TRIM26: variants seen among roughly 807,000 people sequenced by gnomAD.
TRIM26 encodes the protein tripartite motif containing 26.
TRIM26 carries 16 observed loss-of-function variants against 45.5 expected under a neutral mutation model. The observed-to-expected ratio is 0.35, with a 90% CI of 0.24 to 0.53. The LOEUF (loss-of-function observed/expected upper bound fraction) is 0.53, where lower values mean the gene tolerates loss of function less well. Ranked by LOEUF, TRIM26 falls within the 20% of genes least tolerant of loss-of-function variation. TRIM26 has a pLI of 0.92. For missense variants in TRIM26, 442 were observed against 691.1 expected, an observed-to-expected ratio of 0.64 and a Z score of 4.04; for synonymous variants, 273 against 290.4, an observed-to-expected ratio of 0.94 and a Z score of 0.61.
In TRIM26 at chr6:30,186,802, T is replaced by C; in HGVS notation, c.938-244A>G. ...ATATACTGAAATTTAACTTGACTGT[T>C]TTCGCTTACGCTCTGATTCCAAACA... On this transcript the variant is annotated intron_variant, in intron 9 of 9. Transcript: ENST00000454678. The surrounding 1 kb of genome is among the most constrained non-coding windows in gnomAD (Gnocchi z 7.4). 1 of 1,105,736 alleles carries C rather than the reference T, an allele frequency of 9.0e-7. No individual in the cohort carries two copies. The highest frequency in any genetic ancestry group is 1.4e-6 in the Non-Finnish European group (1 of 738,856). The allele number at this position is 1,105,736 out of a possible 1,614,324, so 68.5% of individuals were successfully genotyped here.
At chr6:30,205,084 A>G (rs1423364414) in intron 1 of TRIM26, among the ~76,000 whole-genome samples, 1 of 151,974 alleles carries the variant, frequency 6.6e-6, no homozygotes, top group Non-Finnish European at 1.5e-5. Context: ...TCTACTAACA[A>G]TACAAAATTA....
chr6:30,190,176 A>G lies in TRIM26; in HGVS notation c.766-141T>C. On this transcript the variant is annotated intron_variant, in intron 6 of 9. Transcript: ENST00000454678. The surrounding 1 kb of genome is among the most constrained non-coding windows in gnomAD (Gnocchi z 4.3). ...CCCTTTTTTATGGAGCTGACATTCC[A>G]GTGGGGTCACTGCATAAAACAACAA... 1.2e-6 allele frequency: 1 copy of G among 866,404 alleles called. No homozygotes were observed. Among genetic ancestry groups the G allele is most frequent in the Non-Finnish European group, 1.8e-6 (1 of 544,416 alleles). The allele number at this position is 866,404 out of a possible 1,614,324, so 53.7% of individuals were successfully genotyped here.
intron 2 of TRIM26, among the ~76,000 whole-genome samples, chr6:30,203,053 T>C (rs867976561): frequency 0.015 from 2,266 of 149,528 alleles, 80 homozygotes; most frequent in South Asian, 0.15. Flanking sequence ...TTTCTTTTTT[T>C]TTTTTTTTTT....
chr6:30,203,397 ACTT>A (rs1777395677), intron 2 of TRIM26, among the ~76,000 whole-genome samples: 1 of 151,628 alleles, frequency 6.6e-6, no homozygotes, highest in Non-Finnish European at 1.5e-5. Context: ...GAATGCCTAT[ACTT>A]CTTATTTATT....
chr6:30,200,425 T>C (rs28360013), intron 3 of TRIM26, among the ~76,000 whole-genome samples: 17,603 of 152,224 alleles, frequency 0.12, 1,538 homozygotes, highest in African/African-American at 0.24. Context: ...TGGGCTGTTC[T>C]ATAGTTTGGG....
intron 5 of TRIM26, among the ~76,000 whole-genome samples, chr6:30,197,331 T>C (rs1776594133): frequency 6.6e-6 from 1 of 152,160 alleles, no homozygotes; most frequent in African/African-American, 2.4e-5. Context: ...AGTGGCCCTG[T>C]TGACTGGTGC....
chr6:30,194,479 A>T (rs1271984980), intron 6 of TRIM26, among the ~76,000 whole-genome samples: 6 of 152,232 alleles, frequency 3.9e-5, no homozygotes, highest in Non-Finnish European at 5.9e-5. Context: ...GAATGTTCCA[A>T]CACAAAGAAA....
At chr6:30,202,685 T>C (rs1263124938) in intron 2 of TRIM26, among the ~76,000 whole-genome samples, 1 of 152,176 alleles carries the variant, frequency 6.6e-6, no homozygotes, top group Admixed American at 6.5e-5. Flanking sequence ...AGATCTAACT[T>C]CCAGTTTATA....
Position 30,185,859 on chromosome 6 carries a change from G to A in TRIM26, c.*17C>T. Reference sequence around the variant, plus strand: ...GTGAAGCATCTGAGGGTTGGGGCTGGGGGCAGATGTCAGGGCTCAGGGTCT... The same window carrying A: ...GTGAAGCATCTGAGGGTTGGGGCTGAGGGCAGATGTCAGGGCTCAGGGTCT... On this transcript the variant is annotated 3_prime_UTR_variant, in exon 10 of 10. Transcript: ENST00000454678. The surrounding 1 kb of genome is among the most constrained non-coding windows in gnomAD (Gnocchi z 5.7). The A allele has an allele frequency of 6.3e-7, 1 of 1,598,050 alleles. No homozygotes were observed. The highest frequency in any genetic ancestry group is 8.5e-7 in the Non-Finnish European group (1 of 1,170,678).
Position 30,198,751 on chromosome 6 carries a change from T to C in TRIM26, c.353A>G (p.Lys118Arg). 1.9e-6 allele frequency: 3 copies of C among 1,604,098 alleles called. No individual in the cohort carries two copies. Among genetic ancestry groups the C allele is most frequent in the Non-Finnish European group, 2.5e-6 (3 of 1,179,928 alleles). ...CTCCCGGCACATCACGCACAGCAGCTTCCCGTCGTCCTCACAGTAGTAGTG... is the reference window on the plus strand; with the variant it reads ...CTCCCGGCACATCACGCACAGCAGCCTCCCGTCGTCCTCACAGTAGTAGTG... ...KLHYYCEDDG[K>R]LLCVMCRESR... Residue 118 changes from lysine to arginine, a missense_variant, in exon 4 of 10, where the codon AAG (lysine) becomes AGG (arginine). By Grantham distance (26) the Lys-to-Arg change is conservative (BLOSUM62 2). Transcript: ENST00000454678. This position sits in a 1 kb window ranked among gnomAD's most constrained non-coding sequence, Gnocchi z 6.3.
At position 30,185,685 on chromosome 6, in the gene TRIM26, A is replaced by G; in HGVS notation, c.*191T>C. The G allele has an allele frequency of 3.1e-6, 2 of 649,128 alleles. No individual in the cohort carries two copies. The highest frequency in any genetic ancestry group is 5.2e-6 in the Non-Finnish European group (2 of 384,948). 40.2% of individuals were successfully genotyped at this position (649,128 alleles called of 1,614,324 possible). ...CAGGAGGTGGGAAAAGAGCCCCATT[A>G]GGGCAGTAGATGGAGCAACAGCACT... On this transcript the variant is annotated 3_prime_UTR_variant, in exon 10 of 10. Transcript: ENST00000454678. This position sits in a 1 kb window ranked among gnomAD's most constrained non-coding sequence, Gnocchi z 5.7.
At chr6:30,212,435 T>C (rs889210778) in intron 1 of TRIM26, among the ~76,000 whole-genome samples, 1 of 152,218 alleles carries the variant, frequency 6.6e-6, no homozygotes, top group African/African-American at 2.4e-5. Context: ...GCAACAAATG[T>C]ACCACACTGA....
At chr6:30,206,468 G>T (rs1304023351) in intron 1 of TRIM26, among the ~76,000 whole-genome samples, 1 of 152,264 alleles carries the variant, frequency 6.6e-6, no homozygotes, top group Non-Finnish European at 1.5e-5. Flanking sequence ...CCAGCTGGGA[G>T]GTGGATGAGA....
rs555711866 is a variant in TRIM26 at position 30,211,272 on chromosome 6, C to T, written c.-376+2033G>A. Among the ~76,000 whole-genome samples, 303 of 152,320 alleles carry T rather than the reference C, an allele frequency of 2.0e-3. 1 individual carries two copies. The highest frequency in any genetic ancestry group is 6.2e-3 in the African/African-American group (258 of 41,568). On this transcript the variant is annotated intron_variant, in intron 1 of 9. Transcript: ENST00000454678. ...ATATCTCTTGGCCTCCCTCCACACA[C>T]ACACAATTTTGGGGGGAAGAACAAA...
chr6:30,200,004 GCTCACCCTGTAAATCCAA>G (rs1039874458), intron 3 of TRIM26, among the ~76,000 whole-genome samples: 2 of 152,080 alleles, frequency 1.3e-5, no homozygotes, highest in Non-Finnish European at 2.9e-5. Context: ...ATGTGACATG[GCTCACCCTGTAAATCCAA>G]CACTTTGGGT....
chr6:30,201,377 T>C (rs1405755614), intron 2 of TRIM26, among the ~76,000 whole-genome samples: 1 of 152,218 alleles, frequency 6.6e-6, no homozygotes, highest in African/African-American at 2.4e-5. Flanking sequence ...GAGATTCTTA[T>C]AGTGCTGATA....
chr6:30,187,310 C>T (rs1284439078), intron 9 of TRIM26: 2 of 308,532 alleles, frequency 6.5e-6, no homozygotes, highest in Non-Finnish European at 1.3e-5. Flanking sequence ...AATTTTATTG[C>T]ACAAATTAAG....
chr6:30,194,642 G>A (rs1247698671), intron 6 of TRIM26, among the ~76,000 whole-genome samples: 1 of 152,068 alleles, frequency 6.6e-6, no homozygotes, highest in Non-Finnish European at 1.5e-5. Flanking sequence ...ATCACCTGAG[G>A]TCAGGAGTTC....
At chr6:30,204,044 G>C (rs1237400166) in intron 2 of TRIM26, among the ~76,000 whole-genome samples, 1 of 152,192 alleles carries the variant, frequency 6.6e-6, no homozygotes, top group Non-Finnish European at 1.5e-5. Flanking sequence ...AATGGATTCA[G>C]GGGAATTGCA....
Sources: allele counts gnomAD v4.1 joint callset (sites outside exome capture counted in the v4.1 genomes callset), GRCh38; gene constraint gnomAD v4.1.1; non-coding constraint Gnocchi (gnomAD v3.1); transcripts MANE v1.5; gene names NCBI Gene and HGNC (gene_info 2026-07-23, HGNC 2026-07-21).